The following SALL1 variants were observed in gnomAD, a reference collection of about 807,000 sequenced individuals.
SALL1 encodes spalt like transcription factor 1.
SALL1 carries 10 observed loss-of-function variants against 73.1 expected under a neutral mutation model. The ratio of observed to expected loss-of-function variants is 0.14; its 90% CI spans 0.08 to 0.23. SALL1 has a LOEUF of 0.23. Ranked by LOEUF, SALL1 falls within the 10% of genes least tolerant of loss-of-function variation. The pLI is 1.00. For synonymous variants in SALL1, 688 were observed against 689.8 expected, an observed-to-expected ratio of 1.00 and a Z score of 0.04; for missense variants, 1,520 against 1,697.3, an observed-to-expected ratio of 0.90 and a Z score of 1.84.
Position 51,140,672 on chromosome 16 carries a change from A to C in SALL1, c.1550T>G (p.Leu517Trp). Residue 517 changes from leucine to tryptophan, a missense_variant, in exon 2 of 3, where the codon TTG (leucine) becomes TGG (tryptophan). Physicochemically the swap from Leu to Trp is moderately conservative, Grantham distance 61. This residue lies in a region of SALL1 where 276 missense variants were observed against 259.1 expected (regional missense o/e 1.07). Coordinates refer to ENST00000251020, the MANE Select transcript of SALL1 (RefSeq NM_002968.3). The surrounding 1 kb of genome is among the most constrained non-coding windows in gnomAD (Gnocchi z 5.7). The part of the protein sequence containing the change: ...QMNPYPVPEH[L>W]DNIPTSTGIP... Reference sequence around the variant, plus strand: ...GCCAGTACTCGTGGGGATATTGTCCAAATGCTCAGGCACAGGATAGGGGTT... The same window carrying C: ...GCCAGTACTCGTGGGGATATTGTCCCAATGCTCAGGCACAGGATAGGGGTT... 1 of 1,614,170 alleles carries C rather than the reference A, an allele frequency of 6.2e-7. No individual in the cohort carries two copies. Among genetic ancestry groups the C allele is most frequent in the Non-Finnish European group, 8.5e-7 (1 of 1,180,026 alleles).
chr16:51,151,342 G>T (rs903938775), upstream of SALL1: 3 of 621,228 alleles, frequency 4.8e-6, no homozygotes, highest in African/African-American at 2.0e-5. Flanking sequence ...GGCTCCCCCC[G>T]CCCGCCGGCC....
Position 51,141,302 on chromosome 16 carries a change from G to C in SALL1, c.920C>G (p.Ser307Cys). 1.2e-6 allele frequency: 2 copies of C among 1,614,002 alleles called. No individual in the cohort carries two copies. Among genetic ancestry groups the C allele is most frequent in the Non-Finnish European group, 1.7e-6 (2 of 1,180,046 alleles). ...CTGTTTCACACCACTAATGCTGGCA[G>C]ATTGGCTGGCGAGGCTCTGTGCCAA... The part of the protein sequence containing the change: ...AGLAQSLASQ[S>C]ASISGVKQLP... Residue 307 changes from serine to cysteine, a missense_variant, in exon 2 of 3, where the codon TCT (serine) becomes TGT (cysteine). Ser to Cys is a moderately radical substitution (Grantham distance 112, BLOSUM62 -1). Transcript: ENST00000251020. The surrounding 1 kb of genome is among the most constrained non-coding windows in gnomAD (Gnocchi z 5.4).
At position 51,141,652 on chromosome 16, in the gene SALL1, T is replaced by C. The variant is rs1317946303; in HGVS notation, c.570A>G (p.Val190=). The stretch of plus-strand genomic sequence containing the variant: ...TCTCGATGATGACGTTGCTGTTGAT[T>C]ACGGAGAAGTTGCCCAGTGTTGTCA... ...GDLTTLGNFS[V]INSNVIIENL... is the part of the protein sequence containing the mutation. Residue 190 remains valine (V), a synonymous_variant, in exon 2 of 3, where the codon GTA becomes GTG. Coordinates refer to ENST00000251020, the MANE Select transcript of SALL1 (RefSeq NM_002968.3). The surrounding 1 kb of genome is among the most constrained non-coding windows in gnomAD (Gnocchi z 5.4). The C allele has an allele frequency of 2.5e-6, 4 of 1,613,580 alleles. No individual in the cohort carries two copies. The highest frequency in any genetic ancestry group is 3.4e-6 in the Non-Finnish European group (4 of 1,180,032).
At chr16:51,137,591 A>T in intron 2 of SALL1, 39 bp from the exon 3 acceptor site, 1 of 1,506,610 alleles carries the variant, frequency 6.6e-7, no homozygotes, top group Non-Finnish European at 9.2e-7. Context: ...ACAGAGAGAG[A>T]GAGAGAAAAA....
At chr16:51,138,621 T>C (rs1239239983) in intron 2 of SALL1, 67 bp downstream of exon 2, 3 of 1,554,876 alleles carry the variant, frequency 1.9e-6, no homozygotes, top group Admixed American at 1.8e-5. Context: ...GGGGCATGCA[T>C]TATAGATAAT....
Position 51,140,092 on chromosome 16 carries a change from G to C in SALL1, c.2130C>G (p.Ile710Met). The change falls in exon 2 of 3, where the codon ATC becomes ATG. Residue 710 changes from isoleucine to methionine, a missense_variant. Ile to Met is a conservative substitution (Grantham distance 10). This residue lies in a region of SALL1 where 77 missense variants were observed against 117.2 expected (regional missense o/e 0.66). Coordinates refer to ENST00000251020, the MANE Select transcript of SALL1 (RefSeq NM_002968.3). The surrounding 1 kb of genome is among the most constrained non-coding windows in gnomAD (Gnocchi z 5.7). ...KKATDPNECI[I>M]CHRVLSCQSA... ...TCTGGCAGCTGAGAACCCGGTGGCA[G>C]ATGATGCACTCATTGGGGTCAGTGG... 1.2e-6 allele frequency: 2 copies of C among 1,614,240 alleles called. No homozygotes were observed. The highest frequency in any genetic ancestry group is 1.7e-6 in the Non-Finnish European group (2 of 1,180,050).
chr16:51,141,639 C>T lies in SALL1; in HGVS notation c.583G>A (p.Val195Ile), dbSNP rs546790476. 69 of 1,613,790 alleles carry T rather than the reference C, an allele frequency of 4.3e-5. No individual in the cohort carries two copies. The South Asian group carries it at 6.9e-4, about 16-fold the overall frequency. The change falls in exon 2 of 3, where the codon GTC becomes ATC. Residue 195 changes from valine (V) to isoleucine (I), a missense_variant. Coordinates refer to ENST00000251020, the MANE Select transcript of SALL1 (RefSeq NM_002968.3). The surrounding 1 kb of genome is among the most constrained non-coding windows in gnomAD (Gnocchi z 5.4). ...LGNFSVINSN[V>I]IIENLQSTKV... is the part of the protein sequence containing the mutation. ...GTGCTCTGGAGGTTCTCGATGATGA[C>T]GTTGCTGTTGATTACGGAGAAGTTG...
At chr16:51,144,708 C>T (rs982888730) in intron 1 of SALL1, among the ~76,000 whole-genome samples, 2 of 152,184 alleles carry the variant, frequency 1.3e-5, no homozygotes, top group African/African-American at 4.8e-5. Context: ...TTCCTGCACT[C>T]AAATTCTGCA....
chr16:51,145,037 A>C (rs1253495093), intron 1 of SALL1, among the ~76,000 whole-genome samples: 1 of 151,990 alleles, frequency 6.6e-6, no homozygotes, highest in Admixed American at 6.6e-5. Flanking sequence ...ACACTGCAAT[A>C]ATTCTTAACT....
chr16:51,148,018 C>T (rs1962544376), intron 1 of SALL1, among the ~76,000 whole-genome samples: 1 of 152,182 alleles, frequency 6.6e-6, no homozygotes, highest in Non-Finnish European at 1.5e-5. Flanking sequence ...TTGCCATAAT[C>T]TTGGTTTCAT....
At chr16:51,151,654 G>C (rs961304891), upstream of SALL1, among the ~76,000 whole-genome samples, 11 of 151,254 alleles carry the variant, frequency 7.3e-5, no homozygotes, top group Middle Eastern at 6.8e-3. Context: ...CCCGGCCGCC[G>C]GGGGCCGGCC....
chr16:51,151,125 G>T, intron 1 of SALL1, 41 bp downstream of exon 1: 1 of 1,507,402 alleles, frequency 6.6e-7, no homozygotes, highest in Non-Finnish European at 9.0e-7. Context: ...GTGAGTGTGA[G>T]TGCGTGTGTG....
chr16:51,136,945 A>G lies in SALL1; in HGVS notation c.*167T>C, dbSNP rs963064370. 4 of 645,366 alleles carry G rather than the reference A, an allele frequency of 6.2e-6. No homozygotes were observed. The African/African-American group carries it at 7.3e-5, about 12-fold the overall frequency. 40.0% of individuals were successfully genotyped at this position (645,366 alleles called of 1,614,324 possible). On this transcript the variant is annotated 3_prime_UTR_variant, in exon 3 of 3. Transcript: ENST00000251020. ...ATCGCTAATAAATAAGCTTTCTTAG[A>G]ACTCTAAAGTTGAACAAGGTACAAA...
chr16:51,151,047 T>C (rs12924434), intron 1 of SALL1, 119 bp downstream of exon 1: 122,592 of 547,518 alleles, frequency 0.22, 15,531 homozygotes, highest in African/African-American at 0.4. Flanking sequence ...GAAGAAGCAA[T>C]CGGGGCCGCG....
Position 51,136,237 on chromosome 16 carries a change from T to A in SALL1, c.*875A>T, listed in dbSNP as rs1308795281. ...CATATGTACATTTGAATGAAAGTGA[T>A]ATTTCTTATTGTATATACAAGAGCA... On this transcript the variant is annotated 3_prime_UTR_variant, in exon 3 of 3. Coordinates refer to ENST00000251020, the MANE Select transcript of SALL1 (RefSeq NM_002968.3). The A allele has an allele frequency of 6.5e-6, 1 of 152,684 alleles. No individual in the cohort carries two copies. The highest frequency in any genetic ancestry group is 2.4e-5 in the African/African-American group (1 of 41,468). The allele number at this position is 152,684 out of a possible 1,614,324, so 9.5% of individuals were successfully genotyped here.
intron 2 of SALL1, among the ~76,000 whole-genome samples, chr16:51,138,140 A>G (rs577365895): frequency 1.8e-4 from 28 of 152,352 alleles, no homozygotes; most frequent in Admixed American, 3.3e-4. Context: ...GAACTTAAGC[A>G]TATTTGCTTT....
At chr16:51,151,362 C>G (rs1215874068), upstream of SALL1, 1 of 427,014 alleles carries the variant, frequency 2.3e-6, no homozygotes, top group Non-Finnish European at 3.6e-6. Context: ...CCGCCCGCCC[C>G]CTCCCCGGCT....
Position 51,142,133 on chromosome 16 carries a change from T to C in SALL1, c.89A>G (p.Lys30Arg), listed in dbSNP as rs1312769803. 2 of 1,612,408 alleles carry C rather than the reference T, an allele frequency of 1.2e-6. No homozygotes were observed. The highest frequency in any genetic ancestry group is 1.7e-5 in the Admixed American group (1 of 59,990). The change falls in exon 2 of 3, where the codon AAG (lysine) becomes AGG (arginine). Residue 30 changes from lysine (K) to arginine (R), a missense_variant. Lys to Arg is a conservative substitution (Grantham distance 26). Transcript: ENST00000251020. ...CTTAGTAGGGCGACTCGGTTGACCCTTTTCTGTGTCTCCTACAAATGTCAA... is the reference window on the plus strand; with the variant it reads ...CTTAGTAGGGCGACTCGGTTGACCCCTTTCTGTGTCTCCTACAAATGTCAA... ...SLPRRDGDTE[K>R]GQPSRPTKSK...
intron 1 of SALL1, among the ~76,000 whole-genome samples, chr16:51,145,152 A>G (rs1299583189): frequency 6.6e-6 from 1 of 151,816 alleles, no homozygotes; most frequent in Admixed American, 6.6e-5. Flanking sequence ...ACCAAAGGGA[A>G]TATTTTAATT....
Sources: allele counts gnomAD v4.1 joint callset (sites outside exome capture counted in the v4.1 genomes callset), GRCh38; gene constraint gnomAD v4.1.1; regional missense constraint gnomAD v4.1.1; non-coding constraint Gnocchi (gnomAD v3.1); transcripts MANE v1.5; gene names NCBI Gene and HGNC (gene_info 2026-07-23, HGNC 2026-07-21).